The following COLQ variants were observed in gnomAD, a reference collection of about 807,000 sequenced individuals.
COLQ encodes the protein collagen like tail subunit of asymmetric acetylcholinesterase.
A neutral mutation model predicts 69.0 loss-of-function variants in COLQ; 48 were observed. That is an observed-to-expected ratio of 0.70 (90% confidence interval 0.55 to 0.88). The LOEUF (loss-of-function observed/expected upper bound fraction) is 0.88. Ranked by LOEUF, COLQ falls within the 40% of genes least tolerant of loss-of-function variation. The pLI, the probability that COLQ is intolerant of heterozygous loss-of-function variation, is 0.00. For missense variants in COLQ, 618 were observed against 594.6 expected (o/e 1.04, Z -0.41); for synonymous variants, 217 against 211.2 (o/e 1.03, Z -0.24).
intron 12 of COLQ, among the ~76,000 whole-genome samples, chr3:15,464,469 C>T (rs115709102): frequency 0.012 from 1,767 of 152,268 alleles, 34 homozygotes; most frequent in African/African-American, 0.041. Context: ...GATCTTTGCC[C>T]AACCTATTTG....
intron 15 of COLQ, among the ~76,000 whole-genome samples, chr3:15,455,587 C>G (rs2062012219): frequency 6.6e-6 from 1 of 152,202 alleles, no homozygotes. Flanking sequence ...TCTTCTGCAC[C>G]TGTAACATGG....
chr3:15,466,021 C>G (rs2062194627), intron 12 of COLQ, among the ~76,000 whole-genome samples: 1 of 152,196 alleles, frequency 6.6e-6, no homozygotes, highest in Non-Finnish European at 1.5e-5. Context: ...AGCCATGACA[C>G]TTTTATCTAG....
At chr3:15,500,635 T>C (rs1395343378) in intron 1 of COLQ, among the ~76,000 whole-genome samples, 1 of 152,196 alleles carries the variant, frequency 6.6e-6, no homozygotes, top group Non-Finnish European at 1.5e-5. Context: ...TTCACGAATA[T>C]CTTCTGCCTC....
intron 3 of COLQ, among the ~76,000 whole-genome samples, chr3:15,480,141 G>T (rs1420712363): frequency 2.0e-5 from 3 of 152,198 alleles, no homozygotes; most frequent in African/African-American, 4.8e-5. Flanking sequence ...CCCAGGATCT[G>T]CAGGTGAACA....
intron 15 of COLQ, 124 bp downstream of exon 15, chr3:15,455,775 T>C: frequency 7.5e-7 from 1 of 1,330,344 alleles, no homozygotes; most frequent in South Asian, 1.2e-5. Context: ...CAAGGTGGCC[T>C]GGGTATACCC....
rs768705851 is a variant in COLQ, at chr3:15,467,893, C to T, written c.718-1456G>A. The T allele has an allele frequency of 4.8e-5, 22 of 456,620 alleles. No individual in the cohort carries two copies. The Middle Eastern group carries it at 9.7e-4, about 20-fold the overall frequency. The allele number at this position is 456,620 out of a possible 1,614,324, so 28.3% of individuals were successfully genotyped here. A position where few individuals can be genotyped will look rare whatever the true frequency, so the allele number is the denominator to read the frequency against. ...CACTGGGGGCCGTCTTGGTAATGTG[C>T]AAGGAGTTCTTGAACTCTGAATATG... On this transcript the variant is annotated intron_variant, in intron 11 of 16. Coordinates refer to ENST00000383788, the MANE Select transcript of COLQ (RefSeq NM_005677.4).
rs888456085 is a variant in COLQ, at chr3:15,488,304, G to C, written c.223C>G (p.Leu75Val). Residue 75 changes from leucine to valine, a missense_variant, in exon 3 of 17, where the codon CTC (leucine) becomes GTC (valine). Transcript: ENST00000383788. ...PFFRGGRSPL[L>V]SPDMKNLMLE... ...ATGAGATTCTTCATGTCTGGGGAGA[G>C]AAGCTTCAGTACAAAGCAACACAGA... 6.2e-7 allele frequency: 1 copy of C among 1,613,202 alleles called. No homozygotes were observed. Among genetic ancestry groups the C allele is most frequent in the African/African-American group, 1.3e-5 (1 of 75,048 alleles).
At chr3:15,504,186 GAT>G (rs1443253623) in intron 1 of COLQ, among the ~76,000 whole-genome samples, 1 of 152,222 alleles carries the variant, frequency 6.6e-6, no homozygotes, top group Non-Finnish European at 1.5e-5. Flanking sequence ...ACAGATATAT[GAT>G]AGAGTAATTA....
chr3:15,500,901 C>A (rs1171565305), intron 1 of COLQ, among the ~76,000 whole-genome samples: 3 of 152,204 alleles, frequency 2.0e-5, no homozygotes, highest in Non-Finnish European at 4.4e-5. Flanking sequence ...CCTAGGACAA[C>A]CCATTTCCCC....
intron 12 of COLQ, among the ~76,000 whole-genome samples, chr3:15,464,414 G>T (rs564364963): frequency 6.6e-6 from 1 of 152,160 alleles, no homozygotes; most frequent in Non-Finnish European, 1.5e-5. Flanking sequence ...GTAGACCAAA[G>T]GTTGGAGGGA....
At chr3:15,498,552 G>T in intron 1 of COLQ, 1 of 1,552,016 alleles carries the variant, frequency 6.4e-7, no homozygotes, top group East Asian at 2.4e-5. Flanking sequence ...CTGAAATGAT[G>T]AGCAGATGAG....
At chr3:15,504,341 A>G (rs2062874231) in intron 1 of COLQ, among the ~76,000 whole-genome samples, 1 of 152,220 alleles carries the variant, frequency 6.6e-6, no homozygotes, top group Admixed American at 6.5e-5. Context: ...GCCAAAACCA[A>G]GGTGTGGCTG....
chr3:15,469,753 G>A (rs1418993776), intron 11 of COLQ, among the ~76,000 whole-genome samples: 1 of 152,208 alleles, frequency 6.6e-6, no homozygotes, highest in African/African-American at 2.4e-5. Flanking sequence ...TGGGGATGAG[G>A]AGTGGCAAGC....
chr3:15,502,444 C>G (rs2062844708), intron 1 of COLQ, among the ~76,000 whole-genome samples: 2 of 151,586 alleles, frequency 1.3e-5, no homozygotes, highest in Non-Finnish European at 2.9e-5. Context: ...TAAACAAAGT[C>G]TCCCTCTGTC....
chr3:15,486,395 T>C (rs890901570), intron 3 of COLQ, among the ~76,000 whole-genome samples: 3 of 152,108 alleles, frequency 2.0e-5, no homozygotes, highest in Non-Finnish European at 4.4e-5. Context: ...TCACTTTGAG[T>C]AGGGACAGCA....
intron 1 of COLQ, among the ~76,000 whole-genome samples, chr3:15,510,320 G>A (rs571255536): frequency 6.6e-6 from 1 of 152,160 alleles, no homozygotes; most frequent in African/African-American, 2.4e-5. Flanking sequence ...GCAGTGCAAA[G>A]CTCTGTAGGT....
At chr3:15,504,312 T>C (rs1167248828) in intron 1 of COLQ, among the ~76,000 whole-genome samples, 3 of 152,228 alleles carry the variant, frequency 2.0e-5, no homozygotes, top group African/African-American at 7.2e-5. Context: ...TTGTTTCTCA[T>C]AGACCTTGAG....
rs775189965 is a variant in COLQ at position 15,479,348 on chromosome 3, T to A, written c.356A>T (p.Lys119Met). 4 of 1,614,072 alleles carry A rather than the reference T, an allele frequency of 2.5e-6. No homozygotes were observed. In the South Asian group the frequency reaches 4.4e-5, roughly 18 times the overall value. The change falls in exon 4 of 17, where the codon AAG (lysine) becomes ATG (methionine). Residue 119 changes from lysine (K) to methionine (M), a missense_variant. Physicochemically the swap from Lys to Met is moderately conservative, Grantham distance 95. Transcript: ENST00000383788. ...PPGLPGKTGP[K>M]GEKGELGRPG... ...AGTAGTGGTCCATACCTTTTCTCCC[T>A]TTGGTCCTGTCTTGCCAGGAAGCCC...
chr3:15,487,844 G>A (rs2062598318), intron 3 of COLQ, among the ~76,000 whole-genome samples: 1 of 152,112 alleles, frequency 6.6e-6, no homozygotes, highest in South Asian at 2.1e-4. Flanking sequence ...GGCACCTCTG[G>A]GTCCACAGGA....
Sources: allele counts gnomAD v4.1 joint callset (sites outside exome capture counted in the v4.1 genomes callset), GRCh38; gene constraint gnomAD v4.1.1; transcripts MANE v1.5; gene names NCBI Gene and HGNC (gene_info 2026-07-23, HGNC 2026-07-21).